DEFB124: variants seen among roughly 807,000 people sequenced by gnomAD.
DEFB124 encodes the protein beta-defensin 124.
For missense variants in DEFB124, 78 were observed against 83.1 expected, an observed-to-expected ratio of 0.94 and a Z score of 0.24; for synonymous variants, 38 against 36.5, an observed-to-expected ratio of 1.04 and a Z score of -0.15.
intron 2 of DEFB124, among the ~76,000 whole-genome samples, chr20:31,468,001 C>T (rs1980123923): frequency 6.6e-6 from 1 of 152,168 alleles, no homozygotes; most frequent in Non-Finnish European, 1.5e-5. Context: ...GATCCTCTTG[C>T]CTTGGCCTCC....
chr20:31,472,890 A>G lies in DEFB124; in HGVS notation c.58+66T>C. The G allele has an allele frequency of 3.2e-6, 5 of 1,566,216 alleles. 1 individual carries two copies. In the South Asian group the frequency reaches 5.9e-5, roughly 18 times the overall value. On this transcript the variant is annotated intron_variant, in intron 2 of 2. Transcript: ENST00000317676. ...TCTGTCCTCCAGGACCTGAGAGTCT[A>G]GTCCTCATTTTTACAAGCACACATG...
chr20:31,473,127 C>T (rs1980380377), intron 1 of DEFB124, 89 bp from the exon 2 acceptor site: 3 of 1,215,024 alleles, frequency 2.5e-6, no homozygotes, highest in East Asian at 4.7e-5. Context: ...GAAGGCAGTG[C>T]TGTGGGCAGC....
rs1325123644 is a variant in DEFB124, at chr20:31,474,667, G to A, written c.-66C>T. On this transcript the variant is annotated 5_prime_UTR_variant, in exon 1 of 3. Coordinates refer to ENST00000317676, the MANE Select transcript of DEFB124 (RefSeq NM_001037500.2). ...TTTTCAGCCATCAGTAATAGAAACA[G>A]TAGACAGAGTGGCAGAGACCTCAGG... Among the ~76,000 whole-genome samples the A allele has an allele frequency of 6.6e-6, 1 of 152,116 alleles. No homozygotes were observed. The highest frequency in any genetic ancestry group is 1.5e-5 in the Non-Finnish European group (1 of 68,022).
At chr20:31,466,234 G>T (rs2122443726) in intron 2 of DEFB124, among the ~76,000 whole-genome samples, 1 of 152,116 alleles carries the variant, frequency 6.6e-6, no homozygotes, top group East Asian at 1.9e-4. Flanking sequence ...TCATAACAGT[G>T]CTATACGATT....
rs1479304157 is a variant in DEFB124, at chr20:31,472,948, G to A, written c.58+8C>T. On this transcript the variant is annotated splice_region_variant and intron_variant, in intron 2 of 2. Transcript: ENST00000317676. ...ACACACACACACACATGCACACGAT[G>A]TTGTTACCTGATGGCACATGACCCA... is the stretch of plus-strand genomic sequence containing the variant. 6.2e-7 allele frequency: 1 copy of A among 1,609,686 alleles called. No individual in the cohort carries two copies. The highest frequency in any genetic ancestry group is 2.2e-5 in the East Asian group (1 of 44,862).
chr20:31,470,546 C>G (rs1218155749), intron 2 of DEFB124, among the ~76,000 whole-genome samples: 1 of 124,060 alleles, frequency 8.1e-6, no homozygotes, highest in Non-Finnish European at 1.7e-5. Flanking sequence ...GGCGGCTGGC[C>G]GGGCGGGGGG....
chr20:31,468,683 G>A (rs994611717), intron 2 of DEFB124, among the ~76,000 whole-genome samples: 1 of 151,972 alleles, frequency 6.6e-6, no homozygotes, highest in East Asian at 1.9e-4. Context: ...CACCATGTTG[G>A]CCAGGATGGT....
At chr20:31,472,439 AGGGAGAGGGGAGAGGGGAGAG>A (rs147479133) in intron 2 of DEFB124, among the ~76,000 whole-genome samples, 3 of 95,468 alleles carry the variant, frequency 3.1e-5, no homozygotes, top group African/African-American at 9.2e-5. Context: ...AGAGGGGAGA[AGGGAGAGGGGAGAGGGGAGAG>A]GGGAGAGGGG....
rs1980435783 is a variant in DEFB124 at position 31,474,926 on chromosome 20, G to A, written c.-325C>T. Among the ~76,000 whole-genome samples the A allele has an allele frequency of 6.6e-6, 1 of 152,164 alleles. No individual in the cohort carries two copies. Among genetic ancestry groups the A allele is most frequent in the African/African-American group, 2.4e-5 (1 of 41,430 alleles). ...CCCGAACCCCTCCCCCAGCACCGTG[G>A]AATCCGCCTCTCTTGGAAGGCGGGA... On this transcript the variant is annotated 5_prime_UTR_variant, in exon 1 of 3. Coordinates refer to ENST00000317676, the MANE Select transcript of DEFB124 (RefSeq NM_001037500.2).
intron 2 of DEFB124, among the ~76,000 whole-genome samples, chr20:31,470,478 G>A (rs1408088410): frequency 7.4e-6 from 1 of 135,206 alleles, no homozygotes; most frequent in Non-Finnish European, 1.6e-5. Flanking sequence ...CTGGCAGAGG[G>A]GCTCCTCACT....
At chr20:31,466,521 A>G (rs892840088) in intron 2 of DEFB124, among the ~76,000 whole-genome samples, 1 of 150,484 alleles carries the variant, frequency 6.6e-6, no homozygotes, top group Admixed American at 6.6e-5. Flanking sequence ...AATCGCTTGA[A>G]CCCGGAAGGC....
intron 2 of DEFB124, among the ~76,000 whole-genome samples, chr20:31,471,026 C>T (rs1159296653): frequency 7.0e-6 from 1 of 143,808 alleles, no homozygotes; most frequent in Non-Finnish European, 1.5e-5. Context: ...ACCTCCCTCC[C>T]GGACGGGGCG....
In DEFB124 at chr20:31,473,310, G is replaced by C. The variant is rs74940602; in HGVS notation, c.-25-272C>G. Reference sequence around the variant, plus strand: ...AACTAGACATCTTCCCCACCTAAGAGAGTGGAAAAAATCTTGGCTTAAGAG... The same window carrying C: ...AACTAGACATCTTCCCCACCTAAGACAGTGGAAAAAATCTTGGCTTAAGAG... On this transcript the variant is annotated intron_variant, in intron 1 of 2. Coordinates refer to ENST00000317676, the MANE Select transcript of DEFB124 (RefSeq NM_001037500.2). Among the ~76,000 whole-genome samples the C allele has an allele frequency of 2.6e-3, 402 of 152,298 alleles. 1 individual carries two copies. The highest frequency in any genetic ancestry group is 4.4e-3 in the Non-Finnish European group (300 of 68,018).
At chr20:31,466,184 G>T (rs1980078618) in intron 2 of DEFB124, among the ~76,000 whole-genome samples, 1 of 152,078 alleles carries the variant, frequency 6.6e-6, no homozygotes, top group Non-Finnish European at 1.5e-5. Flanking sequence ...CTGATTTCTT[G>T]TCCAGGTAAA....
intron 2 of DEFB124, among the ~76,000 whole-genome samples, chr20:31,470,823 G>A (rs1980252524): frequency 7.0e-6 from 1 of 142,584 alleles, no homozygotes; most frequent in African/African-American, 2.6e-5. Context: ...CGGCTGGCCG[G>A]GCGGGGTGCT....
chr20:31,466,971 A>G (rs1420166439), intron 2 of DEFB124, among the ~76,000 whole-genome samples: 1 of 152,182 alleles, frequency 6.6e-6, no homozygotes, highest in African/African-American at 2.4e-5. Flanking sequence ...GACAGTTAAA[A>G]AACAAGCATA....
At chr20:31,471,432 G>A (rs1980299180) in intron 2 of DEFB124, among the ~76,000 whole-genome samples, 1 of 121,516 alleles carries the variant, frequency 8.2e-6, no homozygotes, top group Non-Finnish European at 1.7e-5. Flanking sequence ...CCTCCCTCCC[G>A]GACGGGGCGG....
intron 2 of DEFB124, among the ~76,000 whole-genome samples, chr20:31,466,086 G>A (rs1315477913): frequency 6.6e-6 from 1 of 152,158 alleles, no homozygotes; most frequent in African/African-American, 2.4e-5. Flanking sequence ...GAACCCAGAG[G>A]GAGGAGATTG....
intron 2 of DEFB124, among the ~76,000 whole-genome samples, chr20:31,469,984 G>A (rs1383810257): frequency 6.7e-6 from 1 of 149,772 alleles, no homozygotes; most frequent in Admixed American, 6.6e-5. Context: ...AGACGGGGTG[G>A]TGGCCGGGCA....
Sources: allele counts gnomAD v4.1 joint callset (sites outside exome capture counted in the v4.1 genomes callset), GRCh38; gene constraint gnomAD v4.1.1; transcripts MANE v1.5; gene names NCBI Gene and HGNC (gene_info 2026-07-23, HGNC 2026-07-21).